The following DNAH2 variants were observed in gnomAD, a reference collection of about 807,000 sequenced individuals.
DNAH2 encodes axonemal beta dynein heavy chain 2.
In DNAH2, 323 loss-of-function variants were observed where a neutral mutation model predicts 523.5. The observed-to-expected ratio is 0.62, with a 90% confidence interval of 0.56 to 0.68. The LOEUF (loss-of-function observed/expected upper bound fraction) is 0.68, where lower values mean the gene tolerates loss of function less well. Ranked by LOEUF, DNAH2 falls within the 30% of genes least tolerant of loss-of-function variation. The pLI, the probability that DNAH2 is intolerant of heterozygous loss-of-function variation, is 0.00. For synonymous variants in DNAH2, 2,093 were observed against 2,177.4 expected, an observed-to-expected ratio of 0.96 and a Z score of 1.08; for missense variants, 4,907 against 5,701.5, an observed-to-expected ratio of 0.86 and a Z score of 4.49.
In DNAH2 at chr17:7,807,472, G is replaced by C; in HGVS notation, c.9615G>C (p.Leu3205=). 1.2e-6 allele frequency: 2 copies of C among 1,613,414 alleles called. No homozygotes were observed. The highest frequency in any genetic ancestry group is 1.7e-6 in the Non-Finnish European group (2 of 1,180,030). The change falls in exon 63 of 86, where the codon CTG becomes CTC. Residue 3205 remains leucine, a splice_region_variant and synonymous_variant. Coordinates refer to ENST00000572933, the MANE Select transcript of DNAH2 (RefSeq NM_020877.5). The surrounding 1 kb of genome is among the most constrained non-coding windows in gnomAD (Gnocchi z 5.6). The part of the protein sequence containing the change: ...SLCMWVRAME[L]YGRLYRVVEP... ...ACAGCCTGACTGTCTCCCCACAGCT[G>C]TATGGGCGGCTATATCGGGTGGTGG...
chr17:7,832,810 TCTC>T lies in DNAH2; in HGVS notation c.12904-40_12904-38del, dbSNP rs1351858007. 49 of 1,614,068 alleles carry T rather than the reference TCTC, an allele frequency of 3.0e-5. No homozygotes were observed. Among genetic ancestry groups the T allele is most frequent in the Non-Finnish European group, 4.0e-5 (47 of 1,179,978 alleles). ...ATGTATGCTGGGGCCATGTATGTGT[TCTC>T]CTCTTCAGGGTCCTCTCTTATTCTC... On this transcript the variant is annotated intron_variant, in intron 83 of 85. Coordinates refer to ENST00000572933, the MANE Select transcript of DNAH2 (RefSeq NM_020877.5). This position sits in a 1 kb window ranked among gnomAD's most constrained non-coding sequence, Gnocchi z 4.3.
Position 7,742,614 on chromosome 17 carries a change from C to CT in DNAH2, c.1690-314_1690-313insT, listed in dbSNP as rs145392757. On this transcript the variant is annotated intron_variant, in intron 11 of 85. Coordinates refer to ENST00000572933, the MANE Select transcript of DNAH2 (RefSeq NM_020877.5). ...GCTAGGAAGGGCTGATACTGGTTTT[C>CT]AACCTTGTGCCTCATATCCTGCTCC... Among the ~76,000 whole-genome samples the CT allele has an allele frequency of 5.8e-3, 883 of 152,308 alleles. 8 individuals carry two copies. Among genetic ancestry groups the CT allele is most frequent in the African/African-American group, 0.02 (829 of 41,560 alleles).
intron 20 of DNAH2, 144 bp downstream of exon 20, chr17:7,764,417 A>G: frequency 3.1e-6 from 3 of 952,832 alleles, no homozygotes; most frequent in Non-Finnish European, 4.6e-6. Context: ...CTCAAATGAT[A>G]CCTTTACTTA....
chr17:7,822,700 G>T (rs1346721346), intron 73 of DNAH2, among the ~76,000 whole-genome samples: 2 of 152,124 alleles, frequency 1.3e-5, no homozygotes, highest in African/African-American at 2.4e-5. Flanking sequence ...CCCAAGGGCA[G>T]ATATATTTGT....
At chr17:7,768,355 G>T in intron 24 of DNAH2, 88 bp downstream of exon 24, 1 of 1,282,214 alleles carries the variant, frequency 7.8e-7, no homozygotes, top group Non-Finnish European at 1.1e-6. Context: ...TCTCCGCAGT[G>T]TTCACAGCCC....
At chr17:7,823,349 G>T in intron 73 of DNAH2, 93 bp from the exon 74 acceptor site, 1 of 1,047,842 alleles carries the variant, frequency 9.5e-7, no homozygotes, top group Non-Finnish European at 1.3e-6. Context: ...GAAAAATACA[G>T]AGAGAGAGAG....
Position 7,833,432 on chromosome 17 carries a change from C to T in DNAH2, c.13183C>T (p.Arg4395Ter). The T allele has an allele frequency of 6.2e-7, 1 of 1,614,168 alleles. No individual in the cohort carries two copies. The highest frequency in any genetic ancestry group is 8.5e-7 in the Non-Finnish European group (1 of 1,180,046). Residue 4395 changes from arginine to a stop codon, truncating the protein, a stop_gained, in exon 86 of 86, where the codon CGA becomes TGA. Transcript: ENST00000572933. LOFTEE classifies it high-confidence loss of function. Reference protein sequence around the residue: ...YYPNRAGSSDRASFVIGIDLR... With the variant: ...YYPNRAGSSD ...TCCCAACCGGGCAGGCAGCTCAGAC[C>T]GAGCCTCCTTTGTCATCGGCATTGA...
rs532621554 is a variant in DNAH2 at position 7,741,666 on chromosome 17, T to C, written c.1689+674T>C. Among the ~76,000 whole-genome samples the C allele has an allele frequency of 1.3e-3, 185 of 138,650 alleles. 1 individual carries two copies. Among genetic ancestry groups the C allele is most frequent in the African/African-American group, 4.8e-3 (176 of 36,592 alleles). The allele number at this position is 138,650 out of a possible 152,430, so 91.0% of individuals were successfully genotyped here. Reference sequence around the variant, plus strand: ...AGCCACCGCGCCCGGCTTCTTTTTCTTTTTTCTTTTTTTCTGAGATGGAGT... The same window carrying C: ...AGCCACCGCGCCCGGCTTCTTTTTCCTTTTTCTTTTTTTCTGAGATGGAGT... On this transcript the variant is annotated intron_variant, in intron 11 of 85. Coordinates refer to ENST00000572933, the MANE Select transcript of DNAH2 (RefSeq NM_020877.5).
Position 7,741,252 on chromosome 17 carries a change from T to C in DNAH2, c.1689+260T>C, listed in dbSNP as rs574880074. Among the ~76,000 whole-genome samples, 108 of 39,314 alleles carry C rather than the reference T, an allele frequency of 2.7e-3. 1 individual carries two copies. The South Asian group carries it at 0.041, about 15-fold the overall frequency. The allele number at this position is 39,314 out of a possible 152,430, so 25.8% of individuals were successfully genotyped here. On this transcript the variant is annotated intron_variant, in intron 11 of 85. Coordinates refer to ENST00000572933, the MANE Select transcript of DNAH2 (RefSeq NM_020877.5). Reference sequence around the variant, plus strand: ...TTTCTCTCTCTCTTTCTTTCTTTCTTTCTTTCTTTCTTTCTTTCTTTCTTT... The same window carrying C: ...TTTCTCTCTCTCTTTCTTTCTTTCTCTCTTTCTTTCTTTCTTTCTTTCTTT...
intron 12 of DNAH2, 141 bp from the exon 13 acceptor site, chr17:7,756,950 C>T (rs1290950844): frequency 7.1e-6 from 9 of 1,262,472 alleles, no homozygotes; most frequent in East Asian, 4.8e-5. Flanking sequence ...GGATTACAGG[C>T]GTGAGCCACC....
chr17:7,775,897 T>C (rs2076438624), intron 30 of DNAH2, 127 bp from the exon 31 acceptor site: 1 of 1,266,892 alleles, frequency 7.9e-7, no homozygotes, highest in African/African-American at 1.5e-5. Flanking sequence ...GCAAGCCAGC[T>C]GTTGGCCATT....
chr17:7,824,163 C>T lies in DNAH2; in HGVS notation c.11521C>T (p.Leu3841=). Reference sequence around the variant, plus strand: ...CCCACGATCCCCACTCGTGTTCATCCTGTCCCCTGGTGTGGACCCCACCAG... The same window carrying T: ...CCCACGATCCCCACTCGTGTTCATCTTGTCCCCTGGTGTGGACCCCACCAG... The part of the protein sequence containing the change: ...STPRSPLVFI[L]SPGVDPTSAL... The change falls in exon 76 of 86, where the codon CTG becomes TTG. Residue 3841 remains leucine (L), a synonymous_variant. Coordinates refer to ENST00000572933, the MANE Select transcript of DNAH2 (RefSeq NM_020877.5). 2.5e-6 allele frequency: 4 copies of T among 1,589,376 alleles called. No individual in the cohort carries two copies. The highest frequency in any genetic ancestry group is 2.6e-6 in the Non-Finnish European group (3 of 1,170,342).
In DNAH2 at chr17:7,798,216, G is replaced by A. The variant is rs780623903; in HGVS notation, c.8290G>A (p.Gly2764Arg). The A allele has an allele frequency of 3.1e-6, 5 of 1,613,360 alleles. No homozygotes were observed. Among genetic ancestry groups the A allele is most frequent in the East Asian group, 2.2e-5 (1 of 44,854 alleles). The change falls in exon 54 of 86, where the codon GGG (glycine) becomes AGG (arginine). Residue 2764 changes from glycine to arginine, a missense_variant. By Grantham distance (125) the Gly-to-Arg change is moderately radical. Around this residue, in one of 3 missense-constraint regions of DNAH2, gnomAD observed 1,851 missense variants for 2,139.4 expected, o/e 0.87. Transcript: ENST00000572933. The surrounding 1 kb of genome is among the most constrained non-coding windows in gnomAD (Gnocchi z 5.5). ...GGGCAACATGCTCCTGGTGGGTATCGGGGGCAGCGGACGCCAGAGTCTGGC... is the reference window on the plus strand; with the variant it reads ...GGGCAACATGCTCCTGGTGGGTATCAGGGGCAGCGGACGCCAGAGTCTGGC... ...PRGNMLLVGI[G>R]GSGRQSLARL...
At chr17:7,809,629 CTCA>C (rs1377828080) in intron 63 of DNAH2, among the ~76,000 whole-genome samples, 1 of 152,112 alleles carries the variant, frequency 6.6e-6, no homozygotes, top group Non-Finnish European at 1.5e-5. Flanking sequence ...GGAGTGGTTC[CTCA>C]TATGTGAAAA....
At position 7,823,477 on chromosome 17, in the gene DNAH2, T is replaced by C; in HGVS notation, c.11178T>C (p.Cys3726=). 1 of 1,614,126 alleles carries C rather than the reference T, an allele frequency of 6.2e-7. No homozygotes were observed. The highest frequency in any genetic ancestry group is 8.5e-7 in the Non-Finnish European group (1 of 1,180,020). ...LDREGQMDNP[C]SSWLADAYWD... ...GGGAGGGCCAAATGGACAATCCATG[T>C]AGTAGCTGGCTTGCAGATGCCTACT... The change falls in exon 74 of 86, where the codon TGT becomes TGC. Residue 3726 remains cysteine, a synonymous_variant. Coordinates refer to ENST00000572933, the MANE Select transcript of DNAH2 (RefSeq NM_020877.5).
chr17:7,746,878 T>C (rs1446887677), intron 12 of DNAH2, among the ~76,000 whole-genome samples: 2 of 151,814 alleles, frequency 1.3e-5, no homozygotes, highest in African/African-American at 4.8e-5. Context: ...TCCCAGCTAC[T>C]TGGGAGGCTG....
At chr17:7,793,518 C>CT (rs1227502000) in intron 48 of DNAH2, among the ~76,000 whole-genome samples, 9 of 75,276 alleles carry the variant, frequency 1.2e-4, no homozygotes, top group Admixed American at 2.8e-4. Context: ...TTTCTTTCTT[C>CT]TCTTTCTCTT....
At chr17:7,823,715 C>G (rs957182964) in intron 74 of DNAH2, 87 bp downstream of exon 74, 2 of 1,579,812 alleles carry the variant, frequency 1.3e-6, no homozygotes, top group Non-Finnish European at 1.7e-6. Context: ...TCCATCCCCT[C>G]TCCCAGCTGG....
In DNAH2 at chr17:7,793,033, C is replaced by T. The variant is rs1419037543; in HGVS notation, c.7397C>T (p.Thr2466Ile). 2 of 1,614,090 alleles carry T rather than the reference C, an allele frequency of 1.2e-6. No homozygotes were observed. The highest frequency in any genetic ancestry group is 2.2e-5 in the South Asian group (2 of 91,082). Residue 2466 changes from threonine (T) to isoleucine (I), a missense_variant, in exon 48 of 86, where the codon ACC becomes ATC. By Grantham distance (89) the Thr-to-Ile change is moderately conservative (BLOSUM62 -1). Coordinates refer to ENST00000572933, the MANE Select transcript of DNAH2 (RefSeq NM_020877.5). The stretch of plus-strand genomic sequence containing the variant: ...ATTGAGAGCAGGGTTGAGAAGCGAA[C>T]CAAGGGTGTCTACGTGCCATTCGGG... ...SIIESRVEKR[T>I]KGVYVPFGGK...
Sources: gnomAD v4.1 joint callset for allele counts (sites outside exome capture counted in the v4.1 genomes callset) on GRCh38, gnomAD v4.1.1 for gene constraint, gnomAD v4.1.1 regional missense constraint, Gnocchi (gnomAD v3.1) non-coding constraint, MANE v1.5 for transcripts, NCBI Gene and HGNC (gene_info 2026-07-23, HGNC 2026-07-21) for gene names.